Variants in NKAIN2 observed in about 807,000 individuals in gnomAD.
The protein encoded by NKAIN2 is sodium/potassium-transporting ATPase subunit beta-1-interacting protein 2.
NKAIN2 carries 14 observed loss-of-function variants against 32.6 expected under a neutral mutation model. That is an observed-to-expected ratio of 0.43 (90% confidence interval 0.28 to 0.67). The LOEUF (loss-of-function observed/expected upper bound fraction) is 0.67, where lower values mean the gene tolerates loss of function less well. Ranked by LOEUF, NKAIN2 falls within the 30% of genes least tolerant of loss-of-function variation. The pLI is 0.17. For synonymous variants in NKAIN2, 80 were observed against 87.2 expected (o/e 0.92, Z 0.46); for missense variants, 198 against 258.3 (o/e 0.77, Z 1.60).
chr6:124,323,777 A>ATTTTCTTTTTTT (rs1237658485), intron 2 of NKAIN2, among the ~76,000 whole-genome samples: 2 of 115,494 alleles, frequency 1.7e-5, no homozygotes, highest in African/African-American at 7.9e-5. Flanking sequence ...AATTCTTTTA[A>ATTTTCTTTTTTT]TTTTTTCTTT....
intron 1 of NKAIN2, among the ~76,000 whole-genome samples, chr6:123,931,338 C>T (rs77486230): frequency 0.012 from 1,769 of 152,216 alleles, 28 homozygotes; most frequent in African/African-American, 0.041. Context: ...CCTGAGTAAC[C>T]TTTCCAGATT....
chr6:124,509,038 T>G (rs1026972525), intron 3 of NKAIN2, among the ~76,000 whole-genome samples: 4 of 152,218 alleles, frequency 2.6e-5, no homozygotes, highest in African/African-American at 9.6e-5. Flanking sequence ...CCCTGCGGCT[T>G]AGGACTTCGA....
intron 1 of NKAIN2, among the ~76,000 whole-genome samples, chr6:124,080,012 A>G (rs1783883189): frequency 6.6e-6 from 1 of 152,052 alleles, no homozygotes; most frequent in African/African-American, 2.4e-5. Context: ...TTGTAGACCT[A>G]GATGGGAAAG....
At chr6:124,711,814 C>G (rs1775479933) in intron 4 of NKAIN2, among the ~76,000 whole-genome samples, 1 of 152,198 alleles carries the variant, frequency 6.6e-6, no homozygotes, top group Admixed American at 6.5e-5. Flanking sequence ...CTTCTTCTCT[C>G]AGCTCGTCAA....
At chr6:123,868,865 G>C (rs906648300) in intron 1 of NKAIN2, among the ~76,000 whole-genome samples, 2 of 152,092 alleles carry the variant, frequency 1.3e-5, no homozygotes, top group African/African-American at 2.4e-5. Context: ...GAAATCATCT[G>C]ATCAGTTCTT....
chr6:124,047,705 C>T (rs759331215), intron 1 of NKAIN2, among the ~76,000 whole-genome samples: 1 of 151,970 alleles, frequency 6.6e-6, no homozygotes, highest in Non-Finnish European at 1.5e-5. Context: ...CTTCTTTAAG[C>T]AGAGGGCAGG....
chr6:123,838,650 C>T lies in NKAIN2; in HGVS notation c.54+34396C>T, dbSNP rs2114929395. Among the ~76,000 whole-genome samples the T allele has an allele frequency of 3.3e-5, 5 of 152,262 alleles. No individual in the cohort carries two copies. The Middle Eastern group carries it at 0.017, about 518-fold the overall frequency. On this transcript the variant is annotated intron_variant, in intron 1 of 6. Transcript: ENST00000368417. ...ATAAATGTGCTTCAGGCAAAAGAGTCTATCTACAGACACGCATAAAGTAAA... is the reference window on the plus strand; with the variant it reads ...ATAAATGTGCTTCAGGCAAAAGAGTTTATCTACAGACACGCATAAAGTAAA...
At chr6:123,924,780 AG>A (rs1300972246) in intron 1 of NKAIN2, among the ~76,000 whole-genome samples, 1 of 152,074 alleles carries the variant, frequency 6.6e-6, no homozygotes, top group African/African-American at 2.4e-5. Context: ...ATTATTTTAC[AG>A]GAATTATTTC....
intron 2 of NKAIN2, among the ~76,000 whole-genome samples, chr6:124,323,496 C>T (rs1797278387): frequency 1.3e-5 from 2 of 152,254 alleles, no homozygotes; most frequent in Non-Finnish European, 2.9e-5. Flanking sequence ...GGTCAAGGCT[C>T]ATTTACTGCA....
chr6:124,043,033 A>G (rs1267835248), intron 1 of NKAIN2, among the ~76,000 whole-genome samples: 1 of 152,066 alleles, frequency 6.6e-6, no homozygotes, highest in Non-Finnish European at 1.5e-5. Flanking sequence ...AATAGAAAAT[A>G]TCTGTTTTTC....
At chr6:124,346,350 C>G (rs935506168) in intron 2 of NKAIN2, among the ~76,000 whole-genome samples, 12 of 152,094 alleles carry the variant, frequency 7.9e-5, no homozygotes, top group African/African-American at 2.9e-4. Flanking sequence ...TCTATTAGGT[C>G]CGCTTGGTGC....
intron 3 of NKAIN2, among the ~76,000 whole-genome samples, chr6:124,576,749 C>T (rs896798699): frequency 3.9e-5 from 6 of 152,122 alleles, no homozygotes; most frequent in African/African-American, 9.7e-5. Flanking sequence ...TCCAAATACT[C>T]TTTAAGAAAC....
chr6:124,366,333 T>G (rs1489396476), intron 3 of NKAIN2, among the ~76,000 whole-genome samples: 2 of 152,098 alleles, frequency 1.3e-5, no homozygotes, highest in Non-Finnish European at 2.9e-5. Context: ...GCCAATATAT[T>G]TGCAATCAGG....
intron 1 of NKAIN2, among the ~76,000 whole-genome samples, chr6:124,238,129 T>A (rs1208743601): frequency 6.6e-6 from 1 of 151,728 alleles, no homozygotes; most frequent in African/African-American, 2.4e-5. Context: ...ACCTCATCAT[T>A]TTTCTGACAT....
At chr6:124,357,360 T>C (rs1799033465) in intron 3 of NKAIN2, among the ~76,000 whole-genome samples, 1 of 152,184 alleles carries the variant, frequency 6.6e-6, no homozygotes, top group Non-Finnish European at 1.5e-5. Flanking sequence ...TTTAATTCTT[T>C]AGTCGTTGCA....
At chr6:124,683,588 C>T (rs992447084) in intron 4 of NKAIN2, among the ~76,000 whole-genome samples, 1 of 152,158 alleles carries the variant, frequency 6.6e-6, no homozygotes, top group African/African-American at 2.4e-5. Context: ...CTGAGCAGCA[C>T]ATTACATGCT....
chr6:123,812,819 C>T (rs957849694), intron 1 of NKAIN2, among the ~76,000 whole-genome samples: 2 of 152,154 alleles, frequency 1.3e-5, no homozygotes, highest in African/African-American at 4.8e-5. Context: ...TTTAAAACCC[C>T]CAACAATGTT....
At chr6:123,833,003 G>A (rs1379050973) in intron 1 of NKAIN2, among the ~76,000 whole-genome samples, 3 of 151,874 alleles carry the variant, frequency 2.0e-5, no homozygotes, top group Non-Finnish European at 4.4e-5. Flanking sequence ...CATCTCTTTG[G>A]GGTTTTGTCT....
Position 123,905,417 on chromosome 6 carries a change from A to G in NKAIN2, c.54+101163A>G, listed in dbSNP as rs547119266. ...GAACTTTGCTCGGAAGAGAACCACT[A>G]TCTTTATTATATTGGGCCATAAACA... is the stretch of plus-strand genomic sequence containing the variant. On this transcript the variant is annotated intron_variant, in intron 1 of 6. Transcript: ENST00000368417. 3.3e-5 allele frequency among the ~76,000 whole-genome samples: 5 copies of G among 152,268 alleles called. No homozygotes were observed. In the East Asian group the frequency reaches 5.8e-4, roughly 18 times the overall value.
Sources: allele counts gnomAD v4.1 joint callset (sites outside exome capture counted in the v4.1 genomes callset), GRCh38; gene constraint gnomAD v4.1.1; transcripts MANE v1.5; gene names NCBI Gene and HGNC (gene_info 2026-07-23, HGNC 2026-07-21).